The following CSMD1 variants were observed in gnomAD, a reference collection of about 807,000 sequenced individuals.
CSMD1 encodes CUB and Sushi multiple domains 1.
In CSMD1, 213 loss-of-function variants were observed where a neutral mutation model predicts 417.5. That is an observed-to-expected ratio of 0.51 (90% CI 0.46 to 0.57). The LOEUF (loss-of-function observed/expected upper bound fraction) is 0.57. Ranked by LOEUF, CSMD1 falls within the 20% of genes least tolerant of loss-of-function variation. CSMD1 has a pLI of 0.00. For synonymous variants in CSMD1, 2,862 were observed against 1,736.8 expected, an observed-to-expected ratio of 1.65 and a Z score of -16.11; for missense variants, 6,923 against 4,529.7, an observed-to-expected ratio of 1.53 and a Z score of -15.17.
At chr8:4,245,837 A>G (rs895908643) in intron 3 of CSMD1, among the ~76,000 whole-genome samples, 2 of 152,190 alleles carry the variant, frequency 1.3e-5, no homozygotes, top group African/African-American at 4.8e-5. Context: ...CAATCACATC[A>G]TTACATAATC....
chr8:4,583,150 C>T lies in CSMD1; in HGVS notation c.302+54192G>A, dbSNP rs188926169. Among the ~76,000 whole-genome samples the T allele has an allele frequency of 3.6e-4, 55 of 152,314 alleles. No individual in the cohort carries two copies. The East Asian group carries it at 8.7e-3, about 24-fold the overall frequency. On this transcript the variant is annotated intron_variant, in intron 2 of 69. Transcript: ENST00000635120. Reference sequence around the variant, plus strand: ...TCCTGTGCGGCCCAAGCCTCCCCAACGAGCACCATCCTCTGCTCCACGGCA... The same window carrying T: ...TCCTGTGCGGCCCAAGCCTCCCCAATGAGCACCATCCTCTGCTCCACGGCA...
intron 5 of CSMD1, among the ~76,000 whole-genome samples, chr8:3,867,094 C>G (rs920866700): frequency 6.6e-6 from 1 of 152,036 alleles, no homozygotes; most frequent in South Asian, 2.1e-4. Context: ...AATATTGTAA[C>G]CATTTTGATT....
intron 12 of CSMD1, among the ~76,000 whole-genome samples, chr8:3,433,234 AGTTACTTTTCTGTTTCTT>A (rs1309523918): frequency 6.6e-6 from 1 of 152,176 alleles, no homozygotes; most frequent in African/African-American, 2.4e-5. Flanking sequence ...ATAGAGATGT[AGTTACTTTTCTGTTTCTT>A]CAAAATTCTT....
intron 3 of CSMD1, among the ~76,000 whole-genome samples, chr8:4,240,652 C>T (rs929704564): frequency 1.3e-5 from 2 of 152,122 alleles, no homozygotes; most frequent in African/African-American, 2.4e-5. Context: ...TCAACAAGTA[C>T]TCCCCTTATA....
intron 1 of CSMD1, among the ~76,000 whole-genome samples, chr8:4,782,569 T>TA (rs1385317815): frequency 2.0e-5 from 3 of 152,120 alleles, no homozygotes. Flanking sequence ...CCACTGAGCT[T>TA]AGAAACACCT....
At chr8:4,131,840 G>A (rs185121537) in intron 3 of CSMD1, among the ~76,000 whole-genome samples, 104 of 131,262 alleles carry the variant, frequency 7.9e-4, no homozygotes, top group African/African-American at 2.5e-3. Context: ...CCGGCTCACT[G>A]CAAGCTCCAT....
intron 10 of CSMD1, among the ~76,000 whole-genome samples, chr8:3,502,651 C>T (rs1024427900): frequency 2.6e-5 from 4 of 152,044 alleles, no homozygotes; most frequent in Admixed American, 6.6e-5. Flanking sequence ...CATGACATTT[C>T]GGAGAAGGCA....
chr8:4,918,599 C>A (rs4443679), intron 1 of CSMD1, among the ~76,000 whole-genome samples: 15 of 152,344 alleles, frequency 9.8e-5, no homozygotes, highest in Admixed American at 6.5e-4. Context: ...AGACACAAAG[C>A]TGAAAAGTGA....
intron 2 of CSMD1, among the ~76,000 whole-genome samples, chr8:4,609,396 G>C (rs944491053): frequency 6.6e-6 from 1 of 152,174 alleles, no homozygotes; most frequent in Non-Finnish European, 1.5e-5. Flanking sequence ...GTGAGACCCT[G>C]TCTCAGAAAA....
intron 5 of CSMD1, among the ~76,000 whole-genome samples, chr8:3,919,175 T>G (rs1240562651): frequency 1.7e-5 from 2 of 115,014 alleles, no homozygotes; most frequent in South Asian, 3.3e-4. Context: ...GTACTTTTCG[T>G]GTCATATCCA....
intron 10 of CSMD1, among the ~76,000 whole-genome samples, chr8:3,554,851 A>G (rs1193269920): frequency 6.6e-6 from 1 of 152,170 alleles, no homozygotes; most frequent in Non-Finnish European, 1.5e-5. Flanking sequence ...CTGTGTGAAC[A>G]GCCAGCAGGC....
chr8:4,039,871 G>C (rs1211974907), intron 3 of CSMD1, among the ~76,000 whole-genome samples: 2 of 152,112 alleles, frequency 1.3e-5, no homozygotes, highest in Admixed American at 1.3e-4. Context: ...TTGTAATGTT[G>C]GACAAATTAC....
chr8:4,180,455 A>T lies in CSMD1; in HGVS notation c.416-148356T>A, dbSNP rs554050920. Among the ~76,000 whole-genome samples the T allele has an allele frequency of 2.5e-3, 370 of 150,430 alleles. 1 individual carries two copies. The highest frequency in any genetic ancestry group is 3.5e-3 in the Non-Finnish European group (240 of 67,628). Reference sequence around the variant, plus strand: ...GGTGGGGGGAGGGGGGAGGGATAGCATTAGGAGATATGCCTAATGCTAAAT... The same window carrying T: ...GGTGGGGGGAGGGGGGAGGGATAGCTTTAGGAGATATGCCTAATGCTAAAT... On this transcript the variant is annotated intron_variant, in intron 3 of 69. Transcript: ENST00000635120.
chr8:4,250,839 TG>T (rs1179739948), intron 3 of CSMD1, among the ~76,000 whole-genome samples: 2 of 152,250 alleles, frequency 1.3e-5, no homozygotes, highest in Admixed American at 6.5e-5. Context: ...TTTTAGAATA[TG>T]TCAACACCTT....
chr8:3,395,690 G>C (rs923626539), intron 17 of CSMD1, among the ~76,000 whole-genome samples: 24 of 152,042 alleles, frequency 1.6e-4, no homozygotes, highest in African/African-American at 5.6e-4. Context: ...TTGGAATTTG[G>C]TAAGGTTTAG....
At chr8:3,940,968 AC>A (rs1563234193) in intron 5 of CSMD1, among the ~76,000 whole-genome samples, 1 of 151,658 alleles carries the variant, frequency 6.6e-6, no homozygotes. Flanking sequence ...ATTGTCATTT[AC>A]TTTTCTACTG....
intron 8 of CSMD1, among the ~76,000 whole-genome samples, chr8:3,616,328 C>T (rs985568708): frequency 1.3e-5 from 2 of 152,032 alleles, no homozygotes; most frequent in South Asian, 2.1e-4. Context: ...GATTTTCCTC[C>T]ACTTCGCTCA....
At chr8:4,714,553 G>A (rs755596397) in intron 1 of CSMD1, among the ~76,000 whole-genome samples, 1 of 152,222 alleles carries the variant, frequency 6.6e-6, no homozygotes, top group South Asian at 2.1e-4. Context: ...GGCCCAAAGA[G>A]AAGTCGGAAC....
intron 64 of CSMD1, 71 bp downstream of exon 64, chr8:2,955,518 T>C: frequency 2.0e-6 from 3 of 1,499,482 alleles, no homozygotes; most frequent in East Asian, 2.3e-5. Flanking sequence ...ACGTGGACAC[T>C]AGCCTGATGG....
Sources: allele counts gnomAD v4.1 joint callset (sites outside exome capture counted in the v4.1 genomes callset), GRCh38; gene constraint gnomAD v4.1.1; transcripts MANE v1.5; gene names NCBI Gene and HGNC (gene_info 2026-07-23, HGNC 2026-07-21).